The following PACRG variants were observed in gnomAD, a reference collection of about 807,000 sequenced individuals.
PACRG encodes parkin coregulated gene protein.
Under a neutral mutation model 29.7 loss-of-function variants are expected in PACRG, and 29 were observed. The ratio of observed to expected loss-of-function variants is 0.98; its 90% CI spans 0.73 to 1.33. The LOEUF (loss-of-function observed/expected upper bound fraction) is 1.33. PACRG is among the 40% of genes most tolerant of loss of function. The pLI is 0.00. For missense variants in PACRG, 279 were observed against 316.2 expected, an observed-to-expected ratio of 0.88 and a Z score of 0.89; for synonymous variants, 116 against 118.7, an observed-to-expected ratio of 0.98 and a Z score of 0.15.
chr6:162,730,543 C>T lies in PACRG; in HGVS notation c.156+2152C>T, dbSNP rs191612617. Among the ~76,000 whole-genome samples, 77 of 152,076 alleles carry T rather than the reference C, an allele frequency of 5.1e-4. 1 individual carries two copies. Among genetic ancestry groups the T allele is most frequent in the Admixed American group, 1.8e-3 (27 of 15,266 alleles). On this transcript the variant is annotated intron_variant, in intron 1 of 4. Transcript: ENST00000366888. ...GAGACTCCTGATATTTCTCTGAGTG[C>T]GATAGTGATACAAGTACATAAACTT...
At chr6:162,865,026 A>G (rs944472813) in intron 2 of PACRG, among the ~76,000 whole-genome samples, 2 of 152,228 alleles carry the variant, frequency 1.3e-5, no homozygotes, top group African/African-American at 2.4e-5. Flanking sequence ...CGGAGTTTGC[A>G]GAACCTCGAG....
At chr6:163,308,212 T>C (rs1785262973) in intron 4 of PACRG, among the ~76,000 whole-genome samples, 1 of 152,254 alleles carries the variant, frequency 6.6e-6, no homozygotes, top group Non-Finnish European at 1.5e-5. Context: ...TAATGACTTT[T>C]TTTAGCAATA....
intron 4 of PACRG, among the ~76,000 whole-genome samples, chr6:163,146,884 T>C (rs1052754037): frequency 6.6e-6 from 1 of 152,238 alleles, no homozygotes. Flanking sequence ...AATATTCCTC[T>C]GAAAATGTAG....
At chr6:163,006,087 TTA>T (rs1468019304) in intron 2 of PACRG, among the ~76,000 whole-genome samples, 5 of 143,048 alleles carry the variant, frequency 3.5e-5, no homozygotes, top group East Asian at 2.0e-4. Context: ...TGGGTTTTGT[TTA>T]TATATATAAT....
At position 162,792,229 on chromosome 6, in the gene PACRG, G is replaced by C. The variant is rs371260140; in HGVS notation, c.157-21918G>C. 1.5e-4 allele frequency among the ~76,000 whole-genome samples: 23 copies of C among 152,228 alleles called. No homozygotes were observed. The South Asian group carries it at 4.8e-3, about 32-fold the overall frequency. ...GCACAGCAAACTAAGGGTGGGTTAA[G>C]GGAGTTCAGGGTGAGTGCAAGGGAG... On this transcript the variant is annotated intron_variant, in intron 1 of 4. Transcript: ENST00000366888.
chr6:163,023,927 C>A (rs1806873316), intron 2 of PACRG, among the ~76,000 whole-genome samples: 1 of 152,110 alleles, frequency 6.6e-6, no homozygotes, highest in Non-Finnish European at 1.5e-5. Flanking sequence ...GGGGCTGTTT[C>A]TTTTTTGCTT....
chr6:163,057,194 A>T (rs1030955886), intron 2 of PACRG, among the ~76,000 whole-genome samples: 2 of 152,232 alleles, frequency 1.3e-5, no homozygotes, highest in African/African-American at 4.8e-5. Context: ...AGACTTGCAG[A>T]CAGCAAATAA....
At chr6:162,798,838 G>GT (rs1785599866) in intron 1 of PACRG, among the ~76,000 whole-genome samples, 1 of 152,190 alleles carries the variant, frequency 6.6e-6, no homozygotes, top group African/African-American at 2.4e-5. Flanking sequence ...CAGATTGTGT[G>GT]TGTGTGTTGT....
At chr6:162,910,844 C>T (rs1796252442) in intron 2 of PACRG, among the ~76,000 whole-genome samples, 1 of 152,128 alleles carries the variant, frequency 6.6e-6, no homozygotes, top group Admixed American at 6.5e-5. Context: ...TCAGAGAGCC[C>T]ACTTAGAAAG....
In PACRG at chr6:162,853,443, C is replaced by A. The variant is rs1791096306; in HGVS notation, c.291+39162C>A. 6.6e-6 allele frequency among the ~76,000 whole-genome samples: 1 copy of A among 152,190 alleles called. No homozygotes were observed. Among genetic ancestry groups the A allele is most frequent in the Admixed American group, 6.5e-5 (1 of 15,280 alleles). On this transcript the variant is annotated intron_variant, in intron 2 of 4. Transcript: ENST00000366888. This position sits in a 1 kb window ranked among gnomAD's most constrained non-coding sequence, Gnocchi z 4.7. Reference sequence around the variant, plus strand: ...TACTATCAGCCTCGAATCATCCTTTCTTATTATTTTATTCACAGAACTGTG... The same window carrying A: ...TACTATCAGCCTCGAATCATCCTTTATTATTATTTTATTCACAGAACTGTG...
At chr6:162,768,015 T>G (rs1584290904) in intron 1 of PACRG, among the ~76,000 whole-genome samples, 1 of 152,200 alleles carries the variant, frequency 6.6e-6, no homozygotes, top group Admixed American at 6.5e-5. Flanking sequence ...ATGTTATGTT[T>G]ATTACTTTAA....
At chr6:163,237,350 T>C (rs1288218606) in intron 4 of PACRG, among the ~76,000 whole-genome samples, 1 of 152,190 alleles carries the variant, frequency 6.6e-6, no homozygotes, top group Non-Finnish European at 1.5e-5. Context: ...TGCAGTAATT[T>C]TATTTTCTTG....
chr6:162,866,191 A>G (rs953130512), intron 2 of PACRG, among the ~76,000 whole-genome samples: 2 of 152,202 alleles, frequency 1.3e-5, no homozygotes, highest in African/African-American at 4.8e-5. Flanking sequence ...TAACAAATGC[A>G]TGAGTGAGGG....
intron 2 of PACRG, among the ~76,000 whole-genome samples, chr6:162,900,971 C>A (rs772534418): frequency 1.3e-5 from 2 of 152,212 alleles, no homozygotes; most frequent in African/African-American, 4.8e-5. Context: ...TCCCGTCTAT[C>A]TTATTTGCTT....
intron 1 of PACRG, among the ~76,000 whole-genome samples, chr6:162,809,535 G>A (rs911819597): frequency 6.6e-6 from 1 of 152,154 alleles, no homozygotes; most frequent in South Asian, 2.1e-4. Flanking sequence ...TTTATGAATA[G>A]CCTTCTAAGC....
chr6:163,031,517 A>G (rs1368521245), intron 2 of PACRG, among the ~76,000 whole-genome samples: 1 of 152,250 alleles, frequency 6.6e-6, no homozygotes, highest in African/African-American at 2.4e-5. Flanking sequence ...AGTGTACCAT[A>G]GTTCTTACAA....
chr6:163,047,748 A>G (rs760428916), intron 2 of PACRG, among the ~76,000 whole-genome samples: 38 of 152,202 alleles, frequency 2.5e-4, no homozygotes, highest in Non-Finnish European at 1.6e-4. Context: ...ACAGCCAGCC[A>G]TAGACATGAT....
intron 3 of PACRG, among the ~76,000 whole-genome samples, chr6:163,087,505 G>A (rs537573052): frequency 2.7e-4 from 40 of 150,898 alleles, no homozygotes; most frequent in Non-Finnish European, 4.6e-4. Flanking sequence ...AGGAGGTGAG[G>A]ATGGAAACCA....
At chr6:163,003,202 G>T (rs939711000) in intron 2 of PACRG, among the ~76,000 whole-genome samples, 1 of 152,174 alleles carries the variant, frequency 6.6e-6, no homozygotes, top group Non-Finnish European at 1.5e-5. Flanking sequence ...TATGGCCCCA[G>T]ATTGCCTGGA....
Sources: allele counts gnomAD v4.1 joint callset (sites outside exome capture counted in the v4.1 genomes callset), GRCh38; gene constraint gnomAD v4.1.1; non-coding constraint Gnocchi (gnomAD v3.1); transcripts MANE v1.5; gene names NCBI Gene and HGNC (gene_info 2026-07-23, HGNC 2026-07-21).